AMZ1: variants seen among roughly 807,000 people sequenced by gnomAD.
AMZ1 encodes the protein archaelysin family metallopeptidase 1.
A neutral mutation model predicts 29.9 loss-of-function variants in AMZ1; 39 were observed. The observed-to-expected ratio is 1.30, with a 90% CI of 1.01 to 1.70. AMZ1 has a LOEUF of 1.70. AMZ1 is among the 40% of genes most tolerant of loss of function. The probability of loss-of-function intolerance (pLI) is 0.00; values close to 1 mark genes in which losing one functional copy is unlikely to be tolerated. For missense variants in AMZ1, 1,041 were observed against 680.6 expected (o/e 1.53, Z -5.89); for synonymous variants, 458 against 304.0 (o/e 1.51, Z -5.27).
chr7:2,710,624 C>A (rs371109659), intron 6 of AMZ1, among the ~76,000 whole-genome samples: 34 of 152,222 alleles, frequency 2.2e-4, no homozygotes, highest in Non-Finnish European at 3.8e-4. Context: ...CTGGGTGACA[C>A]TGAACTAGAG....
At chr7:2,734,148 C>T (rs937713281) in intron 4 of AMZ1, among the ~76,000 whole-genome samples, 6 of 152,138 alleles carry the variant, frequency 3.9e-5, no homozygotes, top group African/African-American at 7.2e-5. Context: ...TTCCATAGTG[C>T]GAAGGGCCCT....
intron 4 of AMZ1, among the ~76,000 whole-genome samples, chr7:2,741,534 T>C (rs1790503963): frequency 6.6e-6 from 1 of 152,138 alleles, no homozygotes; most frequent in Non-Finnish European, 1.5e-5. Context: ...TTCCAGCCTT[T>C]GTAGTAGCCA....
chr7:2,690,742 C>T (rs528816564), intron 1 of AMZ1, among the ~76,000 whole-genome samples: 28 of 152,280 alleles, frequency 1.8e-4, no homozygotes, highest in African/African-American at 6.7e-4. Context: ...CTGTTGCTCC[C>T]ATTCGGTCCT....
At chr7:2,706,524 C>T (rs1266222151) in intron 3 of AMZ1, among the ~76,000 whole-genome samples, 1 of 152,256 alleles carries the variant, frequency 6.6e-6, no homozygotes, top group East Asian at 1.9e-4. Context: ...CACGTGGTCT[C>T]AGAAGGCTCC....
intron 2 of AMZ1, chr7:2,702,210 T>C (rs1264386418): frequency 1.7e-5 from 1 of 59,342 alleles, no homozygotes; most frequent in Admixed American, 2.1e-4. Flanking sequence ...AGCCTCGACC[T>C]GCACCCTTGT....
upstream of AMZ1, among the ~76,000 whole-genome samples, chr7:2,761,507 C>CCT (rs1192067452): frequency 6.6e-6 from 1 of 152,210 alleles, no homozygotes; most frequent in Non-Finnish European, 1.5e-5. Flanking sequence ...TGATGCAATT[C>CCT]AGGATGACTA....
In AMZ1 at chr7:2,709,132, G is replaced by T; in HGVS notation, c.659G>T (p.Ser220Ile). The T allele has an allele frequency of 6.3e-7, 1 of 1,599,276 alleles. No individual in the cohort carries two copies. The highest frequency in any genetic ancestry group is 8.5e-7 in the Non-Finnish European group (1 of 1,173,130). Residue 220 changes from serine (S) to isoleucine (I), a missense_variant, in exon 5 of 7, where the codon AGC (serine) becomes ATC (isoleucine). Physicochemically the swap from Ser to Ile is moderately radical, Grantham distance 142 (BLOSUM62 -2). Transcript: ENST00000683327. ...FSGEFPKSGP[S>I]APDLALVEAA... ...GGGGAATTCCCGAAGTCGGGGCCCAGCGCCCCTGATCTGGCCCTGGTAGAG... is the reference window on the plus strand; with the variant it reads ...GGGGAATTCCCGAAGTCGGGGCCCATCGCCCCTGATCTGGCCCTGGTAGAG...
In AMZ1 at chr7:2,712,419, CA is replaced by C. The variant is rs1562375833; in HGVS notation, c.1039del (p.Ser347AlafsTer39). On this transcript the variant is annotated frameshift_variant, in exon 7 of 7. Transcript: ENST00000683327. LOFTEE classifies it low-confidence loss of function (END_TRUNC). Reference protein sequence around the residue: ...PSVWEDTPPASADSGMCCESD... With the variant: ...PSVWEDTPPAXADSGMCCESD... ...CAGTGTGGGAGGACACCCCGCCTGCCAGCGCCGACTCGGGCATGTGCTGTGA... is the reference window on the plus strand; with the variant it reads ...CAGTGTGGGAGGACACCCCGCCTGCCGCGCCGACTCGGGCATGTGCTGTGA... 1 of 1,611,976 alleles carries C rather than the reference CA, an allele frequency of 6.2e-7. No homozygotes were observed. The highest frequency in any genetic ancestry group is 1.3e-5 in the African/African-American group (1 of 75,048).
chr7:2,746,509 AT>A (rs1296688109), intron 4 of AMZ1, among the ~76,000 whole-genome samples: 1 of 152,110 alleles, frequency 6.6e-6, no homozygotes, highest in African/African-American at 2.4e-5. Context: ...TCTGGGACAC[AT>A]TCAAAGCAGT....
At position 2,717,680 on chromosome 7, in the gene AMZ1, G is replaced by A. The variant is rs909534860; in HGVS notation, c.*4802G>A. Among the ~76,000 whole-genome samples, 10 of 152,150 alleles carry A rather than the reference G, an allele frequency of 6.6e-5. No individual in the cohort carries two copies. Among genetic ancestry groups the A allele is most frequent in the African/African-American group, 2.4e-4 (10 of 41,420 alleles). On this transcript the variant is annotated 3_prime_UTR_variant, in exon 7 of 7. Coordinates refer to ENST00000683327, the MANE Select transcript of AMZ1 (RefSeq NM_001384743.1). Reference sequence around the variant, plus strand: ...TTGACTGTAAAGAGCCCTGGCCTGCGAACGCTGTTAAAAACAGATGCAGAT... The same window carrying A: ...TTGACTGTAAAGAGCCCTGGCCTGCAAACGCTGTTAAAAACAGATGCAGAT...
intron 1 of AMZ1, among the ~76,000 whole-genome samples, chr7:2,699,170 C>T (rs1271227063): frequency 1.3e-5 from 2 of 152,178 alleles, no homozygotes; most frequent in Non-Finnish European, 2.9e-5. Flanking sequence ...GCCCACTCTC[C>T]ATCCGCCCTG....
Position 2,708,660 on chromosome 7 carries a change from ACCT to A in AMZ1, c.546_548del (p.Asp182_Leu183delinsGlu). On this transcript the variant is annotated inframe_deletion, in exon 4 of 7. Transcript: ENST00000683327. ...TGTGTGCTGGGCCTCACACTGTCTG[ACCT>A]GTACCCCCATGAGGCCTGGAGCTTC... 6.2e-7 allele frequency: 1 copy of A among 1,613,116 alleles called. No homozygotes were observed. The highest frequency in any genetic ancestry group is 1.3e-5 in the African/African-American group (1 of 74,978).
At chr7:2,750,576 C>A (rs1262763730) in intron 4 of AMZ1, among the ~76,000 whole-genome samples, 1 of 152,200 alleles carries the variant, frequency 6.6e-6, no homozygotes, top group Non-Finnish European at 1.5e-5. Flanking sequence ...TAACAACACA[C>A]TGTAATAAAG....
At chr7:2,695,672 C>T (rs1200516625) in intron 1 of AMZ1, among the ~76,000 whole-genome samples, 1 of 151,854 alleles carries the variant, frequency 6.6e-6, no homozygotes. Flanking sequence ...GAGTGCACCA[C>T]AGCACTCCAG....
At chr7:2,722,114 GTCC>G (rs1789449719), downstream of AMZ1, among the ~76,000 whole-genome samples, 1 of 152,118 alleles carries the variant, frequency 6.6e-6, no homozygotes, top group Admixed American at 6.5e-5. Context: ...TCGGCAGTGT[GTCC>G]TCCTGCTGCG....
chr7:2,752,721 A>AT (rs547184765), intron 4 of AMZ1, among the ~76,000 whole-genome samples: 13 of 151,666 alleles, frequency 8.6e-5, no homozygotes, highest in East Asian at 1.9e-4. Context: ...AGAAACGTGA[A>AT]TTTTTTTTTG....
chr7:2,730,592 G>A (rs1441832816), intron 4 of AMZ1: 2 of 152,572 alleles, frequency 1.3e-5, no homozygotes, highest in Non-Finnish European at 2.9e-5. Flanking sequence ...AAATCGGCAC[G>A]GGAGTTTGAA....
chr7:2,740,577 G>C (rs1288612401), intron 4 of AMZ1, among the ~76,000 whole-genome samples: 1 of 152,164 alleles, frequency 6.6e-6, no homozygotes, highest in Non-Finnish European at 1.5e-5. Flanking sequence ...ATGGCAGCTT[G>C]AGCCGACAAA....
At chr7:2,704,455 C>G (rs1788232793) in intron 3 of AMZ1, among the ~76,000 whole-genome samples, 1 of 148,956 alleles carries the variant, frequency 6.7e-6, no homozygotes, top group East Asian at 2.0e-4. Context: ...TCCCCTCTAT[C>G]CTGGGTGACA....
Sources: allele counts gnomAD v4.1 joint callset (sites outside exome capture counted in the v4.1 genomes callset), GRCh38; gene constraint gnomAD v4.1.1; transcripts MANE v1.5; gene names NCBI Gene and HGNC (gene_info 2026-07-23, HGNC 2026-07-21).